The following PDE4D variants were observed in gnomAD, a reference collection of about 807,000 sequenced individuals.
The protein encoded by PDE4D is phosphodiesterase 4D, also known as 3',5'-cyclic-AMP phosphodiesterase 4D.
A neutral mutation model predicts 87.4 loss-of-function variants in PDE4D; 24 were observed. That is an observed-to-expected ratio of 0.27 (90% confidence interval 0.20 to 0.39). PDE4D has a LOEUF of 0.39. PDE4D is among the 10% of genes least tolerant of loss of function. The pLI is 1.00. For missense variants in PDE4D, 714 were observed against 1,041.0 expected (o/e 0.69, Z 4.32); for synonymous variants, 384 against 383.2 (o/e 1.00, Z -0.02).
chr5:60,017,628 C>T (rs1379187365), intron 2 of PDE4D, among the ~76,000 whole-genome samples: 3 of 152,128 alleles, frequency 2.0e-5, no homozygotes, highest in African/African-American at 7.2e-5. Context: ...AATATAATCT[C>T]ATTTTTTTTA....
intron 1 of PDE4D, among the ~76,000 whole-genome samples, chr5:59,405,174 A>T (rs1198299183): frequency 6.6e-6 from 1 of 152,150 alleles, no homozygotes; most frequent in African/African-American, 2.4e-5. Context: ...TTTGGGTACT[A>T]TGTACATTTT....
At chr5:60,407,444 C>CTTTTTTTTTTTTTTTT (rs70975385) in intron 1 of PDE4D, among the ~76,000 whole-genome samples, 1 of 80,092 alleles carries the variant, frequency 1.2e-5, no homozygotes, top group African/African-American at 5.8e-5. Context: ...TTTCTTTTTC[C>CTTTTTTTTTTTTTTTT]TTTTTTTTTT....
chr5:59,879,998 C>G (rs1368988507), intron 1 of PDE4D, among the ~76,000 whole-genome samples: 9 of 152,200 alleles, frequency 5.9e-5, no homozygotes, highest in Non-Finnish European at 1.0e-4. Flanking sequence ...TTTGGCCTCC[C>G]AAAGTGCTGG....
chr5:59,969,643 C>G (rs569301534), intron 3 of PDE4D, among the ~76,000 whole-genome samples: 1 of 152,088 alleles, frequency 6.6e-6, no homozygotes, highest in African/African-American at 2.4e-5. Flanking sequence ...ACAGGAGAGA[C>G]CTGGTAGAAG....
intron 1 of PDE4D, among the ~76,000 whole-genome samples, chr5:59,628,874 T>C (rs1272315669): frequency 1.3e-5 from 2 of 152,200 alleles, no homozygotes; most frequent in Non-Finnish European, 2.9e-5. Flanking sequence ...AGAGGTTTAA[T>C]TGACTCACAG....
chr5:59,893,193 G>A lies in PDE4D; in HGVS notation c.430C>T (p.Pro144Ser). The change falls in exon 1 of 15, where the codon CCC becomes TCC. Residue 144 changes from proline (P) to serine (S), a missense_variant. Physicochemically the swap from Pro to Ser is moderately conservative, Grantham distance 74. Coordinates refer to ENST00000340635, the MANE Select transcript of PDE4D (RefSeq NM_001104631.2). ...PGLKKSRMSW[P>S]SSFQGLRRFD... ...CGCCTGAGTCCCTGGAACGAGGAGG[G>A]CCAGGACATCCTGGATTTCTTCAGG... 3.2e-6 allele frequency: 5 copies of A among 1,566,204 alleles called. No individual in the cohort carries two copies. Among genetic ancestry groups the A allele is most frequent in the Non-Finnish European group, 4.3e-6 (5 of 1,155,276 alleles).
chr5:60,387,724 C>T (rs1328488228), intron 1 of PDE4D, among the ~76,000 whole-genome samples: 1 of 152,164 alleles, frequency 6.6e-6, no homozygotes, highest in East Asian at 1.9e-4. Context: ...ACCACAACAA[C>T]AGTCATCAAC....
intron 1 of PDE4D, among the ~76,000 whole-genome samples, chr5:60,496,862 T>G (rs774569796): frequency 2.0e-5 from 3 of 152,228 alleles, no homozygotes; most frequent in Non-Finnish European, 4.4e-5. Context: ...TATGACTGTA[T>G]AGAAATGTGA....
At chr5:59,518,998 G>A (rs1015995052) in intron 1 of PDE4D, among the ~76,000 whole-genome samples, 4 of 152,190 alleles carry the variant, frequency 2.6e-5, no homozygotes, top group East Asian at 1.9e-4. Context: ...GACAAAGCAG[G>A]TGTTAATAAG....
intron 1 of PDE4D, among the ~76,000 whole-genome samples, chr5:59,329,726 T>C (rs1776366101): frequency 6.6e-6 from 1 of 152,200 alleles, no homozygotes; most frequent in East Asian, 1.9e-4. Context: ...CAGGCTGTCC[T>C]TGTCTACTTA....
chr5:59,265,266 G>A (rs1352513994), intron 1 of PDE4D, among the ~76,000 whole-genome samples: 1 of 151,914 alleles, frequency 6.6e-6, no homozygotes, highest in African/African-American at 2.4e-5. Context: ...GGTTCTCATT[G>A]AGTTTTAAAT....
intron 3 of PDE4D, among the ~76,000 whole-genome samples, chr5:59,926,138 T>C (rs1008904000): frequency 1.3e-5 from 2 of 151,810 alleles, no homozygotes; most frequent in Non-Finnish European, 2.9e-5. Context: ...CTTAAAACAT[T>C]AAAAAAAATT....
intron 1 of PDE4D, among the ~76,000 whole-genome samples, chr5:59,889,899 GAC>G (rs982420136): frequency 1.3e-5 from 2 of 152,098 alleles, no homozygotes; most frequent in African/African-American, 4.8e-5. Context: ...TTGTTTGACA[GAC>G]ACACTTTATA....
intron 1 of PDE4D, among the ~76,000 whole-genome samples, chr5:59,816,846 A>G (rs1365173530): frequency 1.3e-5 from 2 of 152,186 alleles, no homozygotes; most frequent in South Asian, 2.1e-4. Context: ...GGGAGAAGTT[A>G]CCCTGCATGT....
chr5:59,201,755 G>T (rs1747464923), intron 2 of PDE4D, among the ~76,000 whole-genome samples: 1 of 152,112 alleles, frequency 6.6e-6, no homozygotes, highest in Non-Finnish European at 1.5e-5. Context: ...ACAAGTGAAT[G>T]TGCTTTTCCT....
At chr5:59,808,830 A>T (rs756746141) in intron 1 of PDE4D, among the ~76,000 whole-genome samples, 2 of 152,142 alleles carry the variant, frequency 1.3e-5, no homozygotes, top group Non-Finnish European at 1.5e-5. Flanking sequence ...CTCACACCAA[A>T]ATGTACCCCA....
intron 1 of PDE4D, among the ~76,000 whole-genome samples, chr5:59,574,403 A>C (rs1293821374): frequency 3.3e-5 from 5 of 151,664 alleles, no homozygotes; most frequent in Non-Finnish European, 7.4e-5. Context: ...TAAAAATGAC[A>C]AATTAAATAA....
intron 1 of PDE4D, among the ~76,000 whole-genome samples, chr5:60,379,080 G>A (rs992543166): frequency 1.3e-5 from 2 of 151,886 alleles, no homozygotes; most frequent in African/African-American, 4.8e-5. Context: ...CCTATTGCAT[G>A]CCTTTCTGCT....
At chr5:58,998,333 C>CA (rs1270838346) in intron 6 of PDE4D, among the ~76,000 whole-genome samples, 2 of 151,982 alleles carry the variant, frequency 1.3e-5, no homozygotes, top group South Asian at 2.1e-4. Flanking sequence ...TGAAGCCCTT[C>CA]AAAAATAACA....
Sources: gnomAD v4.1 joint callset for allele counts (sites outside exome capture counted in the v4.1 genomes callset) on GRCh38, gnomAD v4.1.1 for gene constraint, MANE v1.5 for transcripts, NCBI Gene and HGNC (gene_info 2026-07-23, HGNC 2026-07-21) for gene names.